Variants in RBFOX1 observed in about 807,000 individuals in gnomAD.
RBFOX1 encodes the protein RNA binding fox-1 homolog 1.
Under a neutral mutation model 57.7 loss-of-function variants are expected in RBFOX1, and 8 were observed. The ratio of observed to expected loss-of-function variants is 0.14; its 90% CI spans 0.08 to 0.25. RBFOX1 has a LOEUF of 0.25. Among genes scored for constraint, RBFOX1 ranks in the 10% least tolerant of loss-of-function variants. The probability of loss-of-function intolerance (pLI) is 1.00; values close to 1 mark genes in which losing one functional copy is unlikely to be tolerated. For missense variants in RBFOX1, 611 were observed against 548.5 expected, an observed-to-expected ratio of 1.11 and a Z score of -1.14; for synonymous variants, 326 against 222.4, an observed-to-expected ratio of 1.47 and a Z score of -4.15.
At chr16:6,720,291 T>G (rs994527229) in intron 3 of RBFOX1, among the ~76,000 whole-genome samples, 2 of 152,176 alleles carry the variant, frequency 1.3e-5, no homozygotes, top group African/African-American at 4.8e-5. Context: ...CTTTTTCTCC[T>G]GTTTCTGCTA....
At chr16:6,235,824 A>G (rs1157058005) in intron 1 of RBFOX1, among the ~76,000 whole-genome samples, 1 of 152,088 alleles carries the variant, frequency 6.6e-6, no homozygotes, top group Non-Finnish European at 1.5e-5. Context: ...CAAAGGCACA[A>G]GAATGATACA....
intron 3 of RBFOX1, among the ~76,000 whole-genome samples, chr16:6,977,128 A>G (rs893883095): frequency 7.1e-6 from 1 of 139,940 alleles, no homozygotes; most frequent in African/African-American, 2.7e-5. Flanking sequence ...ATTATCATAT[A>G]TATGATATAT....
At chr16:6,378,725 C>A (rs2091476737) in intron 2 of RBFOX1, among the ~76,000 whole-genome samples, 1 of 152,174 alleles carries the variant, frequency 6.6e-6, no homozygotes, top group African/African-American at 2.4e-5. Context: ...AAGCATATGC[C>A]AACCCCCTCA....
chr16:6,439,722 A>G (rs1567276715), intron 2 of RBFOX1, among the ~76,000 whole-genome samples: 1 of 152,158 alleles, frequency 6.6e-6, no homozygotes, highest in Non-Finnish European at 1.5e-5. Context: ...AGGGGTAGAC[A>G]TATTATTTGG....
chr16:6,589,548 C>A (rs888582729), intron 2 of RBFOX1, among the ~76,000 whole-genome samples: 1 of 152,204 alleles, frequency 6.6e-6, no homozygotes, highest in African/African-American at 2.4e-5. Context: ...TGCAAAATAT[C>A]TCGACCACTG....
At chr16:6,376,986 C>A (rs538990290) in intron 2 of RBFOX1, among the ~76,000 whole-genome samples, 1 of 151,906 alleles carries the variant, frequency 6.6e-6, no homozygotes, top group African/African-American at 2.4e-5. Context: ...GGTATTGGTC[C>A]CCAGACTGGG....
intron 2 of RBFOX1, among the ~76,000 whole-genome samples, chr16:6,465,289 A>G (rs2095020764): frequency 6.6e-6 from 1 of 152,102 alleles, no homozygotes. Context: ...TAATTATTTT[A>G]TTTCATAGGG....
At chr16:6,948,090 C>G (rs150542368) in intron 3 of RBFOX1, among the ~76,000 whole-genome samples, 1,723 of 152,182 alleles carry the variant, frequency 0.011, 18 homozygotes, top group Non-Finnish European at 0.018. Context: ...TACATATTCT[C>G]ATTTTCTTCT....
At chr16:5,897,185 G>A (rs1247690487) in intron 4 of RBFOX1, among the ~76,000 whole-genome samples, 4 of 152,010 alleles carry the variant, frequency 2.6e-5, no homozygotes, top group Middle Eastern at 6.8e-3. Flanking sequence ...ACAGGCGCCC[G>A]CCACCGCGCC....
chr16:6,976,480 A>G (rs1433011634), intron 3 of RBFOX1, among the ~76,000 whole-genome samples: 1 of 152,070 alleles, frequency 6.6e-6, no homozygotes, highest in Non-Finnish European at 1.5e-5. Flanking sequence ...TTAGAACCCA[A>G]GAGGGGGTTT....
chr16:5,999,175 C>T (rs537821027), intron 4 of RBFOX1, among the ~76,000 whole-genome samples: 1 of 152,254 alleles, frequency 6.6e-6, no homozygotes, highest in East Asian at 1.9e-4. Context: ...GAATGCATGC[C>T]CAGCCTCCTG....
intron 4 of RBFOX1, among the ~76,000 whole-genome samples, chr16:7,164,611 A>C (rs1312788424): frequency 6.6e-6 from 1 of 152,232 alleles, no homozygotes; most frequent in African/African-American, 2.4e-5. Flanking sequence ...CACTTTTAAT[A>C]ACGTGTAATT....
intron 14 of RBFOX1, among the ~76,000 whole-genome samples, chr16:7,702,484 G>T (rs1438243702): frequency 6.6e-6 from 1 of 152,184 alleles, no homozygotes. Context: ...TTAGTGACGA[G>T]TATGGGATGG....
chr16:6,371,937 A>G (rs2090483261), intron 2 of RBFOX1, among the ~76,000 whole-genome samples: 1 of 152,176 alleles, frequency 6.6e-6, no homozygotes, highest in Non-Finnish European at 1.5e-5. Flanking sequence ...TTCAGAAGAG[A>G]GACTTCATAT....
intron 1 of RBFOX1, among the ~76,000 whole-genome samples, chr16:6,142,425 G>A (rs1161673638): frequency 6.6e-6 from 1 of 151,872 alleles, no homozygotes; most frequent in Admixed American, 6.6e-5. Context: ...GTTTCACCAT[G>A]TTAGCCAGGA....
chr16:6,150,504 C>T (rs1285014130), intron 1 of RBFOX1, among the ~76,000 whole-genome samples: 3 of 152,052 alleles, frequency 2.0e-5, no homozygotes, highest in African/African-American at 7.2e-5. Flanking sequence ...CTATGTTGAC[C>T]AGCTCTGTTC....
intron 4 of RBFOX1, among the ~76,000 whole-genome samples, chr16:7,107,523 G>A (rs1567284147): frequency 1.3e-5 from 2 of 152,034 alleles, no homozygotes; most frequent in Non-Finnish European, 2.9e-5. Flanking sequence ...TGTACATTTT[G>A]ATAACTTGAC....
chr16:7,434,195 G>T (rs1367969695), intron 4 of RBFOX1, among the ~76,000 whole-genome samples: 1 of 151,988 alleles, frequency 6.6e-6, no homozygotes, highest in Admixed American at 6.6e-5. Flanking sequence ...GGAGGGGCGG[G>T]GCGCGGTGGC....
chr16:5,671,366 A>T (rs1257159840), intron 3 of RBFOX1, among the ~76,000 whole-genome samples: 38 of 152,188 alleles, frequency 2.5e-4, no homozygotes, highest in Admixed American at 2.5e-3. Flanking sequence ...ATGCTCCATT[A>T]TTTATAGGAA....
Sources: gnomAD v4.1 joint callset for allele counts (sites outside exome capture counted in the v4.1 genomes callset) on GRCh38, gnomAD v4.1.1 for gene constraint, MANE v1.5 for transcripts, NCBI Gene and HGNC (gene_info 2026-07-23, HGNC 2026-07-21) for gene names.